ACYP2: variants seen among roughly 807,000 people sequenced by gnomAD.
The protein encoded by ACYP2 is acylphosphatase 2, also known as acylphosphatase-2.
A neutral mutation model predicts 11.2 loss-of-function variants in ACYP2; 12 were observed. The observed-to-expected ratio is 1.08, with a 90% CI of 0.69 to 1.74. The LOEUF (loss-of-function observed/expected upper bound fraction) is 1.74, where lower values mean the gene tolerates loss of function less well. ACYP2 is among the 40% of genes most tolerant of loss of function. The pLI is 0.00. For missense variants in ACYP2, 134 were observed against 101.9 expected (o/e 1.31, Z -1.35); for synonymous variants, 43 against 32.2 (o/e 1.33, Z -1.13).
rs1238993998 is a variant in ACYP2, at chr2:54,103,083, A to G, written c.278-32370A>G. Reference sequence around the variant, plus strand: ...AGGCATTAGCTCCCCTAAAATCACAAGGACTAATAGGGGAGAAAGAGGGTT... The same window carrying G: ...AGGCATTAGCTCCCCTAAAATCACAGGGACTAATAGGGGAGAAAGAGGGTT... On this transcript the variant is annotated intron_variant, in intron 4 of 6. Coordinates refer to ENST00000607452, the MANE Select transcript of ACYP2 (RefSeq NM_001320586.2). Among the ~76,000 whole-genome samples, 3 of 152,220 alleles carry G rather than the reference A, an allele frequency of 2.0e-5. No individual in the cohort carries two copies. The East Asian group carries it at 5.8e-4, about 29-fold the overall frequency.
At chr2:54,156,294 T>C (rs572232235) in intron 6 of ACYP2, among the ~76,000 whole-genome samples, 1 of 152,344 alleles carries the variant, frequency 6.6e-6, no homozygotes, top group South Asian at 2.1e-4. Flanking sequence ...AGGATACATG[T>C]GCAGAATGTG....
intron 6 of ACYP2, among the ~76,000 whole-genome samples, chr2:54,157,337 T>C (rs764896448): frequency 3.3e-5 from 5 of 152,230 alleles, no homozygotes; most frequent in Non-Finnish European, 7.4e-5. Flanking sequence ...ATTCTGCAAC[T>C]TAAAAAAATT....
At chr2:54,171,488 A>G (rs1683218492) in intron 6 of ACYP2, among the ~76,000 whole-genome samples, 1 of 152,186 alleles carries the variant, frequency 6.6e-6, no homozygotes, top group South Asian at 2.1e-4. Flanking sequence ...TTAGGACACT[A>G]TCTTGTGTCG....
chr2:54,033,943 A>G (rs1674732129), intron 2 of ACYP2, among the ~76,000 whole-genome samples: 1 of 152,230 alleles, frequency 6.6e-6, no homozygotes, highest in African/African-American at 2.4e-5. Flanking sequence ...GACATCCTGA[A>G]AGATAATGGG....
At chr2:54,164,158 G>T (rs1337024708) in intron 6 of ACYP2, among the ~76,000 whole-genome samples, 1 of 152,182 alleles carries the variant, frequency 6.6e-6, no homozygotes, top group Admixed American at 6.5e-5. Flanking sequence ...TAGACATTCA[G>T]AGGAGAGGGA....
intron 6 of ACYP2, among the ~76,000 whole-genome samples, chr2:54,217,751 T>TA (rs1231917403): frequency 2.0e-5 from 3 of 151,822 alleles, no homozygotes; most frequent in Non-Finnish European, 2.9e-5. Flanking sequence ...GATCATGGGT[T>TA]AAAAAAAAGT....
At chr2:54,264,090 G>A (rs996211051) in intron 6 of ACYP2, among the ~76,000 whole-genome samples, 1 of 152,142 alleles carries the variant, frequency 6.6e-6, no homozygotes, top group Non-Finnish European at 1.5e-5. Context: ...CTCGCGATGA[G>A]TGTTCTTAAA....
At chr2:54,202,036 A>T (rs6718204) in intron 6 of ACYP2, among the ~76,000 whole-genome samples, 41,609 of 150,776 alleles carry the variant, frequency 0.28, 5,891 homozygotes, top group South Asian at 0.44. Context: ...GTTTCTGCTT[A>T]AAGCCCTGAC....
chr2:54,057,145 G>A, intron 3 of ACYP2: 1 of 393,076 alleles, frequency 2.5e-6, no homozygotes, highest in Admixed American at 4.4e-5. Context: ...AGATTGTCTA[G>A]ATTGACTGAT....
chr2:54,113,667 G>A (rs564370219), intron 4 of ACYP2, among the ~76,000 whole-genome samples: 7 of 152,314 alleles, frequency 4.6e-5, no homozygotes, highest in African/African-American at 1.7e-4. Context: ...ATAAAATCTG[G>A]TAACCACTCG....
chr2:54,103,931 G>T (rs1043201712), intron 4 of ACYP2, among the ~76,000 whole-genome samples: 1 of 152,174 alleles, frequency 6.6e-6, no homozygotes, highest in African/African-American at 2.4e-5. Context: ...CAGAGGAAAT[G>T]CCTGCAGCTA....
chr2:54,039,101 C>T (rs1270152965), intron 2 of ACYP2, among the ~76,000 whole-genome samples: 5 of 151,750 alleles, frequency 3.3e-5, no homozygotes, highest in Non-Finnish European at 5.9e-5. Flanking sequence ...TATAATAGAA[C>T]AGGGAAGTGG....
At chr2:54,186,107 A>G (rs1683981460) in intron 6 of ACYP2, among the ~76,000 whole-genome samples, 1 of 152,192 alleles carries the variant, frequency 6.6e-6, no homozygotes, top group African/African-American at 2.4e-5. Flanking sequence ...AAAATTGAAT[A>G]TAAAGAGAGA....
chr2:54,136,596 G>T (rs777882146), intron 5 of ACYP2, among the ~76,000 whole-genome samples: 8 of 152,152 alleles, frequency 5.3e-5, no homozygotes, highest in Non-Finnish European at 8.8e-5. Context: ...TTACCATTTT[G>T]ATTTGTGTTG....
intron 6 of ACYP2, among the ~76,000 whole-genome samples, chr2:54,168,452 G>A (rs550054739): frequency 3.4e-4 from 52 of 151,414 alleles, no homozygotes; most frequent in Non-Finnish European, 7.1e-4. Context: ...AAATAGAATA[G>A]AATAAAATAA....
chr2:54,136,784 T>A (rs1681268544), intron 5 of ACYP2, among the ~76,000 whole-genome samples: 1 of 152,190 alleles, frequency 6.6e-6, no homozygotes, highest in African/African-American at 2.4e-5. Context: ...AAGACCAGCC[T>A]GGCCATCATA....
rs1255491622 is a variant in ACYP2 at position 54,101,686 on chromosome 2, A to C, written c.278-33767A>C. Among the ~76,000 whole-genome samples the C allele has an allele frequency of 3.3e-5, 5 of 151,966 alleles. 1 individual carries two copies. Among genetic ancestry groups the C allele is most frequent in the Non-Finnish European group, 7.4e-5 (5 of 67,978 alleles). ...GAGACTGTCTCAAAAAAAAAAAAAA[A>C]AAAACTGCCAGGTGAAGTGTGTGTA... On this transcript the variant is annotated intron_variant, in intron 4 of 6. Coordinates refer to ENST00000607452, the MANE Select transcript of ACYP2 (RefSeq NM_001320586.2).
intron 6 of ACYP2, among the ~76,000 whole-genome samples, chr2:54,268,983 T>C (rs1688162938): frequency 6.6e-6 from 1 of 152,228 alleles, no homozygotes; most frequent in South Asian, 2.1e-4. Flanking sequence ...AATTACCCAA[T>C]GAAGTTTGTG....
At chr2:54,085,908 T>C (rs1407507700) in intron 4 of ACYP2, among the ~76,000 whole-genome samples, 10 of 152,208 alleles carry the variant, frequency 6.6e-5, no homozygotes, top group Non-Finnish European at 1.3e-4. Flanking sequence ...GTATAGCCTC[T>C]GACCTCTGGT....
Sources: allele counts gnomAD v4.1 joint callset (sites outside exome capture counted in the v4.1 genomes callset), GRCh38; gene constraint gnomAD v4.1.1; transcripts MANE v1.5; gene names NCBI Gene and HGNC (gene_info 2026-07-23, HGNC 2026-07-21).